TICAM1: variants seen among roughly 807,000 people sequenced by gnomAD.
The protein encoded by TICAM1 is TIR domain-containing adapter molecule 1.
For missense variants in TICAM1, 895 were observed against 938.2 expected (o/e 0.95, Z 0.60); for synonymous variants, 439 against 415.4 (o/e 1.06, Z -0.69).
At position 4,816,784 on chromosome 19, in the gene TICAM1, T is replaced by A; in HGVS notation, c.1594A>T (p.Arg532Trp). Residue 532 changes from arginine to tryptophan, a missense_variant, in exon 2 of 2, where the codon AGG (arginine) becomes TGG (tryptophan). Physicochemically the swap from Arg to Trp is moderately radical, Grantham distance 101. Coordinates refer to ENST00000248244, the MANE Select transcript of TICAM1 (RefSeq NM_182919.4). This position sits in a 1 kb window ranked among gnomAD's most constrained non-coding sequence, Gnocchi z 4.3. Reference sequence around the variant, plus strand: ...CACATGGCCTTTCGGGCCTGAAGCCTGTGGGGCTTGAAGGTGTTGGCCACC... The same window carrying A: ...CACATGGCCTTTCGGGCCTGAAGCCAGTGGGGCTTGAAGGTGTTGGCCACC... ...RKVANTFKPH[R>W]LQARKAMWRK... The A allele has an allele frequency of 6.2e-7, 1 of 1,613,506 alleles. No individual in the cohort carries two copies. Among genetic ancestry groups the A allele is most frequent in the East Asian group, 2.2e-5 (1 of 44,868 alleles).
chr19:4,827,921 T>C (rs963189494), intron 1 of TICAM1, among the ~76,000 whole-genome samples: 8 of 152,074 alleles, frequency 5.3e-5, no homozygotes, highest in Non-Finnish European at 1.2e-4. Context: ...CGGTGTTTCC[T>C]GGGAACGGTT....
chr19:4,825,208 C>A (rs984970140), intron 1 of TICAM1, among the ~76,000 whole-genome samples: 1 of 151,254 alleles, frequency 6.6e-6, no homozygotes, highest in Non-Finnish European at 1.5e-5. Context: ...GGAACCCGGG[C>A]GGCAGAGGTT....
At chr19:4,820,931 C>T (rs934905456) in intron 1 of TICAM1, among the ~76,000 whole-genome samples, 1 of 151,288 alleles carries the variant, frequency 6.6e-6, no homozygotes, top group African/African-American at 2.4e-5. Context: ...GTGGCTCATG[C>T]TGCTAATCCT....
At chr19:4,827,001 A>G (rs991640409) in intron 1 of TICAM1, among the ~76,000 whole-genome samples, 4 of 138,254 alleles carry the variant, frequency 2.9e-5, no homozygotes, top group Non-Finnish European at 4.9e-5. Context: ...TAATAATCTT[A>G]GGAAATAATA....
Position 4,816,229 on chromosome 19 carries a change from G to T in TICAM1, c.*10C>A. ...GGGTGTTCCCCAGGTGGTCAGGCAA[G>T]GACACGCGGTCATTCTGCCTCCTGC... On this transcript the variant is annotated 3_prime_UTR_variant, in exon 2 of 2. Transcript: ENST00000248244. This position sits in a 1 kb window ranked among gnomAD's most constrained non-coding sequence, Gnocchi z 4.3. The T allele has an allele frequency of 6.7e-7, 1 of 1,502,166 alleles. No individual in the cohort carries two copies. Among genetic ancestry groups the T allele is most frequent in the Non-Finnish European group, 8.9e-7 (1 of 1,129,418 alleles). The allele number at this position is 1,502,166 out of a possible 1,614,324, so 93.1% of individuals were successfully genotyped here. A position where few individuals can be genotyped will look rare whatever the true frequency, so the allele number is the denominator to read the frequency against.
In TICAM1 at chr19:4,817,422, A is replaced by G. The variant is rs373898244; in HGVS notation, c.956T>C (p.Leu319Pro). ...AGPQSLPLPI[L>P]EPVKNPCSVK... ...AGAGCAGGGGTTTTTGACCGGCTCC[A>G]GAATAGGCAAGGGGAGAGACTGGGG... Residue 319 changes from leucine (L) to proline (P), a missense_variant, in exon 2 of 2, where the codon CTG becomes CCG. Leu to Pro is a moderately conservative substitution (Grantham distance 98, BLOSUM62 -3). Coordinates refer to ENST00000248244, the MANE Select transcript of TICAM1 (RefSeq NM_182919.4). This position sits in a 1 kb window ranked among gnomAD's most constrained non-coding sequence, Gnocchi z 4.7. The G allele has an allele frequency of 3.1e-6, 5 of 1,613,970 alleles. No individual in the cohort carries two copies. Among genetic ancestry groups the G allele is most frequent in the Non-Finnish European group, 4.2e-6 (5 of 1,180,028 alleles).
intron 1 of TICAM1, among the ~76,000 whole-genome samples, chr19:4,824,614 C>T (rs1197073202): frequency 2.1e-5 from 3 of 144,376 alleles, no homozygotes; most frequent in Non-Finnish European, 3.0e-5. Context: ...GGATTACAGG[C>T]GTGAGCCACC....
Position 4,818,000 on chromosome 19 carries a change from G to C in TICAM1, c.378C>G (p.Ser126Arg), listed in dbSNP as rs1009819273. Residue 126 changes from serine (S) to arginine (R), a missense_variant, in exon 2 of 2, where the codon AGC becomes AGG. Physicochemically the swap from Ser to Arg is moderately radical, Grantham distance 110. Transcript: ENST00000248244. The surrounding 1 kb of genome is among the most constrained non-coding windows in gnomAD (Gnocchi z 4.7). ...CCCCCAGCCGGTGGTCGTCCCTGGA[G>C]CTGAGGGTGCGGACGGCTTCCTGGT... ...VAYQEAVRTL[S>R]SRDDHRLGEL... 1.2e-6 allele frequency: 2 copies of C among 1,612,282 alleles called. No homozygotes were observed. The highest frequency in any genetic ancestry group is 1.3e-5 in the African/African-American group (1 of 74,894).
intron 1 of TICAM1, among the ~76,000 whole-genome samples, chr19:4,823,360 G>C (rs2093600780): frequency 6.6e-6 from 1 of 151,988 alleles, no homozygotes; most frequent in East Asian, 1.9e-4. Flanking sequence ...AGCTACTCGG[G>C]AGGCTGAGGC....
At chr19:4,827,879 T>C (rs757259237) in intron 1 of TICAM1, among the ~76,000 whole-genome samples, 1 of 151,890 alleles carries the variant, frequency 6.6e-6, no homozygotes, top group East Asian at 1.9e-4. Context: ...TTAAGTTCGA[T>C]GATCCACGAA....
chr19:4,821,410 C>A (rs1277943845), intron 1 of TICAM1, among the ~76,000 whole-genome samples: 1 of 151,990 alleles, frequency 6.6e-6, no homozygotes, highest in Non-Finnish European at 1.5e-5. Flanking sequence ...TTACATGCAA[C>A]CACTTATTTG....
At chr19:4,823,149 G>A (rs1476568774) in intron 1 of TICAM1, among the ~76,000 whole-genome samples, 7 of 151,628 alleles carry the variant, frequency 4.6e-5, no homozygotes, top group East Asian at 1.9e-4. Context: ...GTGAAATCCC[G>A]TCTTCACTAA....
intron 1 of TICAM1, among the ~76,000 whole-genome samples, chr19:4,829,434 C>G (rs186141319): frequency 7.0e-6 from 1 of 143,698 alleles, no homozygotes; most frequent in Non-Finnish European, 1.5e-5. Flanking sequence ...TCCACCTTCT[C>G]GAGACCCAGC....
chr19:4,823,333 C>T (rs866783693), intron 1 of TICAM1, among the ~76,000 whole-genome samples: 2 of 152,028 alleles, frequency 1.3e-5, no homozygotes, highest in South Asian at 2.1e-4. Flanking sequence ...GGCATGGTGG[C>T]GGGCGCCTGT....
In TICAM1 at chr19:4,817,317, G is replaced by T; in HGVS notation, c.1061C>A (p.Thr354Asn). The change falls in exon 2 of 2, where the codon ACC becomes AAC. Residue 354 changes from threonine (T) to asparagine (N), a missense_variant. Coordinates refer to ENST00000248244, the MANE Select transcript of TICAM1 (RefSeq NM_182919.4). The surrounding 1 kb of genome is among the most constrained non-coding windows in gnomAD (Gnocchi z 4.7). Reference protein sequence around the residue: ...PNTKPCPPTPTTPETSPPPPP... With the variant: ...PNTKPCPPTPNTPETSPPPPP... ...AGGAGGAGGGGATGTTTCTGGGGTG[G>T]TGGGAGTAGGTGGGCACGGCTTGGT... The T allele has an allele frequency of 1.2e-6, 2 of 1,613,780 alleles. No individual in the cohort carries two copies. Among genetic ancestry groups the T allele is most frequent in the African/African-American group, 1.3e-5 (1 of 74,984 alleles).
At position 4,816,490 on chromosome 19, in the gene TICAM1, G is replaced by A; in HGVS notation, c.1888C>T (p.Pro630Ser). 2.5e-6 allele frequency: 4 copies of A among 1,572,524 alleles called. No individual in the cohort carries two copies. The highest frequency in any genetic ancestry group is 3.4e-6 in the Non-Finnish European group (4 of 1,161,400). Reference sequence around the variant, plus strand: ...GCCTGCCATGCGTGCAGGGGTGGCGGCTGCGGGCACCCCGGCCAAGTGGGA... The same window carrying A: ...GCCTGCCATGCGTGCAGGGGTGGCGACTGCGGGCACCCCGGCCAAGTGGGA... ...PFPTWPGCPQ[P>S]PPLHAWQAGT... The change falls in exon 2 of 2, where the codon CCG becomes TCG. Residue 630 changes from proline (P) to serine (S), a missense_variant. By Grantham distance (74) the Pro-to-Ser change is moderately conservative. Transcript: ENST00000248244. The surrounding 1 kb of genome is among the most constrained non-coding windows in gnomAD (Gnocchi z 4.3).
chr19:4,824,761 C>T (rs1234782760), intron 1 of TICAM1, among the ~76,000 whole-genome samples: 1 of 151,686 alleles, frequency 6.6e-6, no homozygotes, highest in Admixed American at 6.6e-5. Context: ...GGCGAAATCC[C>T]GTCTCTACTA....
chr19:4,819,837 T>C (rs1380727923), intron 1 of TICAM1, among the ~76,000 whole-genome samples: 1 of 151,890 alleles, frequency 6.6e-6, no homozygotes. Context: ...ATCGCACCAT[T>C]GCACTCCAGC....
rs768751226 is a variant in TICAM1, at chr19:4,818,416, AG to A, written c.-40del. The A allele has an allele frequency of 6.5e-7, 1 of 1,537,636 alleles. No homozygotes were observed. The highest frequency in any genetic ancestry group is 8.7e-7 in the Non-Finnish European group (1 of 1,143,730). ...TGCAGCCTCCGGCAGCAGAAGCTGG[AG>A]GTGGTGAAGGCATGTTCCACACTGC... is the stretch of plus-strand genomic sequence containing the variant. On this transcript the variant is annotated 5_prime_UTR_variant, in exon 2 of 2. Transcript: ENST00000248244. This position sits in a 1 kb window ranked among gnomAD's most constrained non-coding sequence, Gnocchi z 4.0.
Sources: gnomAD v4.1 joint callset for allele counts (sites outside exome capture counted in the v4.1 genomes callset) on GRCh38, gnomAD v4.1.1 for gene constraint, Gnocchi (gnomAD v3.1) non-coding constraint, MANE v1.5 for transcripts, NCBI Gene and HGNC (gene_info 2026-07-23, HGNC 2026-07-21) for gene names.